ZBTB40: variants seen among roughly 807,000 people sequenced by gnomAD.
ZBTB40 encodes the protein zinc finger and BTB domain-containing protein 40.
ZBTB40 carries 60 observed loss-of-function variants against 117.5 expected under a neutral mutation model. The observed-to-expected ratio is 0.51, with a 90% CI of 0.41 to 0.63. The LOEUF is 0.63. ZBTB40 is among the 30% of genes least tolerant of loss of function. ZBTB40 has a pLI of 0.00. For missense variants in ZBTB40, 1,287 were observed against 1,498.5 expected (o/e 0.86, Z 2.33); for synonymous variants, 525 against 577.1 (o/e 0.91, Z 1.29).
chr1:22,491,480 G>C lies in ZBTB40; in HGVS notation c.778G>C (p.Asp260His). 6.2e-7 allele frequency: 1 copy of C among 1,613,974 alleles called. No homozygotes were observed. Among genetic ancestry groups the C allele is most frequent in the Non-Finnish European group, 8.5e-7 (1 of 1,179,940 alleles). Reference sequence around the variant, plus strand: ...CTCAGATGCACTCATGGTTACCCAGGATGTTTTAAAAAAACTAGAAATGTG... The same window carrying C: ...CTCAGATGCACTCATGGTTACCCAGCATGTTTTAAAAAAACTAGAAATGTG... ...VFSDALMVTQ[D>H]VLKKLEMCSE... is the part of the protein sequence containing the mutation. Residue 260 changes from aspartate to histidine, a missense_variant, in exon 3 of 18, where the codon GAT (aspartate) becomes CAT (histidine). This residue lies in a region of ZBTB40 where 870 missense variants were observed against 934.4 expected (regional missense o/e 0.93). Transcript: ENST00000375647.
chr1:22,469,833 G>A (rs1353563207), intron 1 of ZBTB40, among the ~76,000 whole-genome samples: 3 of 152,112 alleles, frequency 2.0e-5, no homozygotes, highest in East Asian at 1.9e-4. Flanking sequence ...CAGTGTGCCC[G>A]GCCCCACCTT....
At chr1:22,461,744 A>G (rs960704668) in intron 1 of ZBTB40, among the ~76,000 whole-genome samples, 1 of 152,156 alleles carries the variant, frequency 6.6e-6, no homozygotes, top group African/African-American at 2.4e-5. Context: ...GTGTGAGGAA[A>G]GAAGGATTTA....
intron 3 of ZBTB40, among the ~76,000 whole-genome samples, chr1:22,492,386 T>C (rs1467517091): frequency 6.6e-6 from 1 of 152,226 alleles, no homozygotes; most frequent in African/African-American, 2.4e-5. Flanking sequence ...CTGTGTGATC[T>C]CTCAATACTT....
chr1:22,492,375 C>G (rs1180839613), intron 3 of ZBTB40, among the ~76,000 whole-genome samples: 1 of 152,236 alleles, frequency 6.6e-6, no homozygotes, highest in Non-Finnish European at 1.5e-5. Context: ...CGCATTTCCA[C>G]CTGTGTGATC....
At chr1:22,474,855 C>G (rs1391490595) in intron 1 of ZBTB40, among the ~76,000 whole-genome samples, 3 of 151,698 alleles carry the variant, frequency 2.0e-5, no homozygotes, top group Non-Finnish European at 4.4e-5. Context: ...TCCAAGGTCC[C>G]TTTCAGCTTT....
At chr1:22,443,737 T>G (rs1216098950) in intron 1 of ZBTB40, among the ~76,000 whole-genome samples, 1 of 152,226 alleles carries the variant, frequency 6.6e-6, no homozygotes, top group African/African-American at 2.4e-5. Flanking sequence ...TTTCAAAATA[T>G]GTCAAAGAAA....
At chr1:22,487,193 A>C (rs1638495072) in intron 1 of ZBTB40, among the ~76,000 whole-genome samples, 1 of 152,126 alleles carries the variant, frequency 6.6e-6, no homozygotes, top group Non-Finnish European at 1.5e-5. Context: ...GGACGTGGTG[A>C]CTTCTAAGCT....
intron 1 of ZBTB40, among the ~76,000 whole-genome samples, chr1:22,453,411 A>G (rs747379152): frequency 1.3e-5 from 2 of 152,232 alleles, no homozygotes; most frequent in Non-Finnish European, 2.9e-5. Flanking sequence ...ATTCCTGGAA[A>G]TACAGTGGTG....
chr1:22,502,348 A>T lies in ZBTB40; in HGVS notation c.1074A>T (p.Lys358Asn), dbSNP rs1638959153. The change falls in exon 5 of 18, where the codon AAA becomes AAT. Residue 358 changes from lysine (K) to asparagine (N), a missense_variant. Physicochemically the swap from Lys to Asn is moderately conservative, Grantham distance 94. Coordinates refer to ENST00000375647, the MANE Select transcript of ZBTB40 (RefSeq NM_014870.4). Reference protein sequence around the residue: ...KTLSVLLLEHKEDLIQCVTQL... With the variant: ...KTLSVLLLEHNEDLIQCVTQL... ...TGTCTGTTCTGTTACTAGAACACAA[A>T]GAGGACCTGATACAGTGTGTAACAC... 1 of 1,613,948 alleles carries T rather than the reference A, an allele frequency of 6.2e-7. No individual in the cohort carries two copies. Among genetic ancestry groups the T allele is most frequent in the Non-Finnish European group, 8.5e-7 (1 of 1,179,976 alleles).
At chr1:22,446,223 GAAA>G (rs71020420) in intron 1 of ZBTB40, among the ~76,000 whole-genome samples, 1 of 111,590 alleles carries the variant, frequency 9.0e-6, no homozygotes, top group African/African-American at 4.0e-5. Flanking sequence ...CTCCAAAACT[GAAA>G]AAAAAAAAAA....
intron 1 of ZBTB40, among the ~76,000 whole-genome samples, chr1:22,482,905 G>A (rs956472354): frequency 4.6e-5 from 7 of 151,770 alleles, no homozygotes; most frequent in African/African-American, 1.5e-4. Flanking sequence ...AGTGAAACCC[G>A]GTCTCTACTA....
chr1:22,522,451 T>G lies in ZBTB40; in HGVS notation c.3286T>G (p.Cys1096Gly). 1 of 1,614,226 alleles carries G rather than the reference T, an allele frequency of 6.2e-7. No homozygotes were observed. The highest frequency in any genetic ancestry group is 8.5e-7 in the Non-Finnish European group (1 of 1,180,030). ...AGCCTTGCTGCAGGTTCATGTCAAG[T>G]GCCAGCATTCAGGTCAGTACCCCTG... Reference protein sequence around the residue: ...TPALLQVHVKCQHSGSQPFRC... With the variant: ...TPALLQVHVKGQHSGSQPFRC... The change falls in exon 16 of 18, where the codon TGC (cysteine) becomes GGC (glycine). Residue 1096 changes from cysteine to glycine, a missense_variant. Physicochemically the swap from Cys to Gly is radical, Grantham distance 159. Transcript: ENST00000375647.
At chr1:22,492,995 C>G (rs1638673577) in intron 3 of ZBTB40, among the ~76,000 whole-genome samples, 1 of 152,176 alleles carries the variant, frequency 6.6e-6, no homozygotes, top group Non-Finnish European at 1.5e-5. Flanking sequence ...TAACGTTATT[C>G]CTTAGATCAG....
At chr1:22,437,356 G>C (rs1429865147) in intron 1 of ZBTB40, among the ~76,000 whole-genome samples, 1 of 151,928 alleles carries the variant, frequency 6.6e-6, no homozygotes, top group Non-Finnish European at 1.5e-5. Flanking sequence ...AGTCATGTTG[G>C]AGGAGTGCAC....
chr1:22,454,361 A>G (rs1465567620), intron 1 of ZBTB40, among the ~76,000 whole-genome samples: 1 of 152,212 alleles, frequency 6.6e-6, no homozygotes, highest in Non-Finnish European at 1.5e-5. Flanking sequence ...GCTAAAGCCT[A>G]GTGTCAAGAC....
intron 1 of ZBTB40, among the ~76,000 whole-genome samples, chr1:22,487,641 C>T (rs1638506851): frequency 6.6e-6 from 1 of 152,024 alleles, no homozygotes; most frequent in Non-Finnish European, 1.5e-5. Flanking sequence ...ACCAGTTCTC[C>T]TGCTTGAAGC....
rs776680993 is a variant in ZBTB40, at chr1:22,508,662, A to T, written c.1630A>T (p.Thr544Ser). The T allele has an allele frequency of 5.6e-6, 9 of 1,614,166 alleles. No individual in the cohort carries two copies. Among genetic ancestry groups the T allele is most frequent in the Admixed American group, 3.3e-5 (2 of 60,030 alleles). ...QLLLVVQETK[T>S]CPLDLLMEEI... ...GCTGCTGGTGGTTCAGGAGACAAAG[A>T]CCTGTCCATTGGACCTGCTCATGGA... Residue 544 changes from threonine to serine, a missense_variant, in exon 8 of 18, where the codon ACC becomes TCC. By Grantham distance (58) the Thr-to-Ser change is moderately conservative. Transcript: ENST00000375647.
At chr1:22,469,073 C>G (rs1014547583) in intron 1 of ZBTB40, among the ~76,000 whole-genome samples, 6 of 152,184 alleles carry the variant, frequency 3.9e-5, no homozygotes, top group African/African-American at 1.4e-4. Flanking sequence ...AAGGGATCCT[C>G]CTGCCTTGGC....
intron 1 of ZBTB40, among the ~76,000 whole-genome samples, chr1:22,475,045 G>A (rs1265565672): frequency 2.6e-5 from 4 of 151,916 alleles, no homozygotes; most frequent in South Asian, 2.1e-4. Context: ...AGAATTGTTA[G>A]GGGAGACAGA....
Sources: allele counts gnomAD v4.1 joint callset (sites outside exome capture counted in the v4.1 genomes callset), GRCh38; gene constraint gnomAD v4.1.1; regional missense constraint gnomAD v4.1.1; transcripts MANE v1.5; gene names NCBI Gene and HGNC (gene_info 2026-07-23, HGNC 2026-07-21).